Variants in ERAP1 observed in about 807,000 individuals in gnomAD.
ERAP1 encodes the protein endoplasmic reticulum aminopeptidase 1.
A neutral mutation model predicts 103.7 loss-of-function variants in ERAP1; 86 were observed. That is an observed-to-expected ratio of 0.83 (90% confidence interval 0.70 to 0.99). ERAP1 has a LOEUF of 0.99. Ranked by LOEUF, ERAP1 falls within the 50% of genes least tolerant of loss-of-function variation. The pLI is 0.00. For synonymous variants in ERAP1, 398 were observed against 402.4 expected (o/e 0.99, Z 0.13); for missense variants, 1,009 against 1,128.4 (o/e 0.89, Z 1.52).
chr5:96,909,461 CTGTT>C, the ERAP1 span: 4 of 777,670 alleles, frequency 5.1e-6, no homozygotes, highest in South Asian at 7.0e-5. Context: ...CGAAGATACA[CTGTT>C]TGGGGAAAGA....
At chr5:96,836,965 T>C in the ERAP1 span, among the ~76,000 whole-genome samples, 18 of 152,252 alleles carry the variant, frequency 1.2e-4, no homozygotes, top group Non-Finnish European at 2.2e-4. Context: ...TTTTTATTTA[T>C]ATTTCAATTT....
chr5:96,835,942 C>G, the ERAP1 span, among the ~76,000 whole-genome samples: 2 of 152,162 alleles, frequency 1.3e-5, no homozygotes, highest in African/African-American at 4.8e-5. Flanking sequence ...GATCTGAGAA[C>G]ACTCTTGTGG....
chr5:96,880,121 G>A, the ERAP1 span: 71 of 1,614,022 alleles, frequency 4.4e-5, no homozygotes, highest in Non-Finnish European at 5.7e-5. Flanking sequence ...CCCTGCTCAT[G>A]AACAAATTGC....
intron 1 of ERAP1, among the ~76,000 whole-genome samples, chr5:96,806,632 T>C (rs986848518): frequency 5.1e-4 from 51 of 100,560 alleles, no homozygotes; most frequent in Non-Finnish European, 8.0e-4. Context: ...TCTTTTTTTT[T>C]TTTTTTTTTT....
intron 11 of ERAP1, among the ~76,000 whole-genome samples, chr5:96,787,332 C>G (rs866583205): frequency 6.6e-6 from 1 of 152,086 alleles, no homozygotes; most frequent in Non-Finnish European, 1.5e-5. Flanking sequence ...GTGGTGCGAT[C>G]TCGGCTCACT....
At chr5:96,920,244 G>A in the ERAP1 span, among the ~76,000 whole-genome samples, 68 of 151,590 alleles carry the variant, frequency 4.5e-4, no homozygotes, top group South Asian at 0.013. Context: ...GGTGAAGGTT[G>A]CAGTGAGCCA....
intron 13 of ERAP1, 127 bp downstream of exon 13, chr5:96,785,661 G>C (rs1775894376): frequency 1.0e-6 from 1 of 962,416 alleles, no homozygotes; most frequent in African/African-American, 2.3e-5. Flanking sequence ...GTTGTTAGAA[G>C]AACTTAAAGG....
chr5:96,780,569 G>T lies in ERAP1; in HGVS notation c.2589-65C>A, dbSNP rs189462177. On this transcript the variant is annotated intron_variant, in intron 17 of 18. Transcript: ENST00000443439. ...TATTCATTTAACATATATTTTAAGG[G>T]CCTCCTATATATAATAGCTTTCAGC... The T allele has an allele frequency of 1.3e-3, 1,553 of 1,237,664 alleles. 16 individuals carry two copies. In the East Asian group the frequency reaches 0.022, roughly 17 times the overall value. 76.7% of individuals were successfully genotyped at this position (1,237,664 alleles called of 1,614,324 possible).
the ERAP1 span, chr5:96,880,217 G>T: frequency 6.2e-7 from 1 of 1,614,004 alleles, no homozygotes; most frequent in Non-Finnish European, 8.5e-7. Context: ...TGGCTTTGAA[G>T]GGTTTTATAA....
the ERAP1 span, among the ~76,000 whole-genome samples, chr5:96,921,183 T>TG: frequency 6.6e-6 from 1 of 152,282 alleles, no homozygotes; most frequent in Non-Finnish European, 1.5e-5. Flanking sequence ...AAGCTTCAGA[T>TG]GCTCTCAAGG....
At chr5:96,797,933 T>C (rs1344391279) in intron 3 of ERAP1, among the ~76,000 whole-genome samples, 3 of 152,146 alleles carry the variant, frequency 2.0e-5, no homozygotes, top group Admixed American at 2.0e-4. Flanking sequence ...GGTTTGAGAA[T>C]TATCTGGCAA....
At chr5:96,877,058 T>G in the ERAP1 span, among the ~76,000 whole-genome samples, 3 of 152,188 alleles carry the variant, frequency 2.0e-5, no homozygotes, top group African/African-American at 7.2e-5. Flanking sequence ...CACTGCAACT[T>G]CCACCTCCCT....
At chr5:96,813,650 CAAAA>C in the ERAP1 span, among the ~76,000 whole-genome samples, 39 of 55,160 alleles carry the variant, frequency 7.1e-4, no homozygotes, top group South Asian at 0.028. Context: ...AGACTCATCT[CAAAA>C]AAAAAAAAAA....
intron 3 of ERAP1, among the ~76,000 whole-genome samples, chr5:96,800,650 C>T (rs1164413235): frequency 6.6e-6 from 1 of 152,182 alleles, no homozygotes; most frequent in Non-Finnish European, 1.5e-5. Context: ...GGCACTGTTA[C>T]TGAAATCTTG....
chr5:96,903,603 C>T, the ERAP1 span: 13 of 1,514,602 alleles, frequency 8.6e-6, no homozygotes, highest in African/African-American at 2.8e-5. Context: ...ATAACTGATT[C>T]GTAACCAGAT....
chr5:96,883,744 T>C, the ERAP1 span: 2 of 1,568,014 alleles, frequency 1.3e-6, no homozygotes, highest in Non-Finnish European at 1.7e-6. Flanking sequence ...TTCATTTCTC[T>C]TCTTGATTTC....
At chr5:96,914,287 C>G in the ERAP1 span, among the ~76,000 whole-genome samples, 1 of 152,136 alleles carries the variant, frequency 6.6e-6, no homozygotes, top group Non-Finnish European at 1.5e-5. Context: ...ATGTCAGGGT[C>G]AGTTAGCATC....
chr5:96,829,121 T>C, the ERAP1 span, among the ~76,000 whole-genome samples: 2 of 152,208 alleles, frequency 1.3e-5, no homozygotes, highest in East Asian at 3.9e-4. Context: ...GCTGGGATTA[T>C]AGGCGTCAGC....
chr5:96,836,239 T>C, the ERAP1 span, among the ~76,000 whole-genome samples: 1 of 148,740 alleles, frequency 6.7e-6, no homozygotes, highest in Non-Finnish European at 1.5e-5. Context: ...TCTCACTCTG[T>C]CACCCAGACT....
Sources: allele counts gnomAD v4.1 joint callset (sites outside exome capture counted in the v4.1 genomes callset), GRCh38; gene constraint gnomAD v4.1.1; transcripts MANE v1.5; gene names NCBI Gene and HGNC (gene_info 2026-07-23, HGNC 2026-07-21).